The following CYRIB variants were observed in gnomAD, a reference collection of about 807,000 sequenced individuals.
The protein encoded by CYRIB is CYFIP related Rac1 interactor B.
Under a neutral mutation model 44.2 loss-of-function variants are expected in CYRIB, and 8 were observed. The observed-to-expected ratio is 0.18, with a 90% CI of 0.11 to 0.33. CYRIB has a LOEUF of 0.33. CYRIB is among the 10% of genes least tolerant of loss of function. The pLI is 1.00. For synonymous variants in CYRIB, 131 were observed against 127.2 expected, an observed-to-expected ratio of 1.03 and a Z score of -0.20; for missense variants, 185 against 382.8, an observed-to-expected ratio of 0.48 and a Z score of 4.31.
chr8:129,936,475 T>C (rs1051788014), intron 1 of CYRIB, among the ~76,000 whole-genome samples: 7 of 152,158 alleles, frequency 4.6e-5, no homozygotes, highest in Non-Finnish European at 1.0e-4. Flanking sequence ...GATCATAATA[T>C]AGAATGAGTT....
At chr8:130,003,970 G>T (rs2096969324) in intron 1 of CYRIB, among the ~76,000 whole-genome samples, 1 of 152,178 alleles carries the variant, frequency 6.6e-6, no homozygotes, top group African/African-American at 2.4e-5. Flanking sequence ...GTCAGAAGGG[G>T]CCTAATTCTA....
intron 4 of CYRIB, chr8:129,868,479 A>G (rs2055094931): frequency 6.6e-6 from 1 of 152,116 alleles, no homozygotes; most frequent in South Asian, 2.1e-4. Context: ...GTGTTCTTCA[A>G]TGTTATTTTT....
chr8:129,943,091 C>CCCCCCCCACCCG (rs2093849004), upstream of CYRIB, among the ~76,000 whole-genome samples: 1 of 132,540 alleles, frequency 7.5e-6, no homozygotes, highest in African/African-American at 3.0e-5. Context: ...CGCCCACCCG[C>CCCCCCCCACCCG]CCCCCCGCAC....
intron 4 of CYRIB, among the ~76,000 whole-genome samples, chr8:129,865,481 T>A (rs1002183539): frequency 2.0e-5 from 3 of 152,234 alleles, no homozygotes; most frequent in Admixed American, 1.3e-4. Flanking sequence ...TAGAAAAACA[T>A]GGACTCAAAT....
rs893340307 is a variant in CYRIB, at chr8:129,993,273, A to G, written c.-295-22278T>C. 2.6e-5 allele frequency among the ~76,000 whole-genome samples: 4 copies of G among 152,072 alleles called. No homozygotes were observed. In the East Asian group the frequency reaches 7.7e-4, roughly 29 times the overall value. ...CTAGGTGTGGTGATACGTGCCTGTA[A>G]TCCCAGCTACTTGGGAGGCTGAGGC... On this transcript the variant is annotated intron_variant, in intron 1 of 14. Coordinates refer to the CYRIB transcript ENST00000401979.
At chr8:129,978,807 G>A (rs1208459457) in intron 1 of CYRIB, among the ~76,000 whole-genome samples, 6 of 152,124 alleles carry the variant, frequency 3.9e-5, no homozygotes, top group Non-Finnish European at 7.4e-5. Flanking sequence ...ACACACACAC[G>A]TGCATGCACA....
At chr8:129,896,683 G>C (rs1404677571) in intron 2 of CYRIB, 1 of 152,232 alleles carries the variant, frequency 6.6e-6, no homozygotes, top group Non-Finnish European at 1.5e-5. Flanking sequence ...TCCCCAGAGT[G>C]AGAGTCTCTG....
At chr8:129,983,108 A>G (rs1429904815) in intron 1 of CYRIB, among the ~76,000 whole-genome samples, 12 of 152,138 alleles carry the variant, frequency 7.9e-5, no homozygotes, top group African/African-American at 2.9e-4. Context: ...CAGGCGCTCA[A>G]GACCAGCCTG....
intron 5 of CYRIB, among the ~76,000 whole-genome samples, chr8:129,858,036 T>C (rs2047126877): frequency 6.6e-6 from 1 of 152,230 alleles, no homozygotes; most frequent in South Asian, 2.1e-4. Context: ...TAGATCTATG[T>C]TGAAAGGGAA....
chr8:129,857,338 A>G (rs1183061478), intron 5 of CYRIB, among the ~76,000 whole-genome samples: 3 of 152,152 alleles, frequency 2.0e-5, no homozygotes, highest in South Asian at 4.1e-4. Flanking sequence ...TGAATAAATG[A>G]CTCCTGGACT....
intron 4 of CYRIB, 51 bp from the exon 7 acceptor site, chr8:129,862,385 T>C (rs1564254724): frequency 7.6e-7 from 1 of 1,316,494 alleles, no homozygotes; most frequent in Non-Finnish European, 1.1e-6. Context: ...AAAAAAAGGT[T>C]CATTTTTACA....
chr8:129,983,242 G>GA (rs2096311708), intron 1 of CYRIB, among the ~76,000 whole-genome samples: 1 of 152,034 alleles, frequency 6.6e-6, no homozygotes. Flanking sequence ...TCAGGAGATC[G>GA]AGACCATCCT....
At chr8:129,943,286 C>A (rs1460291561), upstream of CYRIB, among the ~76,000 whole-genome samples, 1 of 151,952 alleles carries the variant, frequency 6.6e-6, no homozygotes, top group Non-Finnish European at 1.5e-5. Flanking sequence ...GTGAAGGCTT[C>A]AGAAAGAATG....
At position 129,854,249 on chromosome 8, in the gene CYRIB, T is replaced by A. The variant is rs775360880; in HGVS notation, c.516+17A>T. ...AAGTTACTCTTACCATCCCCCTAAT[T>A]CAAAGCATTAACTTACCGGTACATT... is the stretch of plus-strand genomic sequence containing the variant. On this transcript the variant is annotated intron_variant, in intron 7 of 11. Coordinates refer to ENST00000519824, the Ensembl canonical transcript of CYRIB. 3 of 1,580,286 alleles carry A rather than the reference T, an allele frequency of 1.9e-6. No individual in the cohort carries two copies. Among genetic ancestry groups the A allele is most frequent in the Non-Finnish European group, 2.6e-6 (3 of 1,153,134 alleles).
intron 1 of CYRIB, among the ~76,000 whole-genome samples, chr8:129,990,167 GCA>G: frequency 6.6e-6 from 1 of 152,248 alleles, no homozygotes; most frequent in East Asian, 1.9e-4. Flanking sequence ...CTGGTGCCCA[GCA>G]CAGTGTGGGC....
At chr8:129,895,836 A>G (rs921853890) in intron 2 of CYRIB, among the ~76,000 whole-genome samples, 1 of 152,188 alleles carries the variant, frequency 6.6e-6, no homozygotes, top group African/African-American at 2.4e-5. Context: ...CCAAGGTGCT[A>G]CAACTACAAT....
In CYRIB at chr8:129,855,057, G is replaced by A. The variant is rs908558204; in HGVS notation, c.438+554C>T. ...TTAATATAAAAGAATGTTGAAAAAC[G>A]GGGGTAGAGGGTGTGAGCAGAAAAG... On this transcript the variant is annotated intron_variant, in intron 6 of 11. Transcript: ENST00000519824. Among the ~76,000 whole-genome samples, 6 of 152,162 alleles carry A rather than the reference G, an allele frequency of 3.9e-5. No individual in the cohort carries two copies. In the East Asian group the frequency reaches 7.7e-4, roughly 19 times the overall value.
At chr8:129,849,335 C>G (rs1430991944) in exon 10 of CYRIB, 5 of 1,613,314 alleles carry the variant, frequency 3.1e-6, no homozygotes, top group Non-Finnish European at 4.2e-6. Context: ...CAGAATGACA[C>G]TGTCTCTTCA....
At chr8:129,859,905 G>A (rs1429709239) in intron 5 of CYRIB, among the ~76,000 whole-genome samples, 3 of 152,076 alleles carry the variant, frequency 2.0e-5, no homozygotes, top group Admixed American at 1.3e-4. Context: ...GTGGCTTGCC[G>A]CCCACATTTA....
Sources: gnomAD v4.1 joint callset for allele counts (sites outside exome capture counted in the v4.1 genomes callset) on GRCh38, gnomAD v4.1.1 for gene constraint, MANE v1.5 for transcripts, NCBI Gene and HGNC (gene_info 2026-07-23, HGNC 2026-07-21) for gene names.